The following GRM8 variants were observed in gnomAD, a reference collection of about 807,000 sequenced individuals.
The protein encoded by GRM8 is metabotropic glutamate receptor 8.
Under a neutral mutation model 87.2 loss-of-function variants are expected in GRM8, and 47 were observed. The ratio of observed to expected loss-of-function variants is 0.54; its 90% confidence interval spans 0.43 to 0.69. The LOEUF (loss-of-function observed/expected upper bound fraction) is 0.69, where lower values mean the gene tolerates loss of function less well. GRM8 is among the 30% of genes least tolerant of loss of function. The pLI, the probability that GRM8 is intolerant of heterozygous loss-of-function variation, is 0.00. For synonymous variants in GRM8, 396 were observed against 404.5 expected (o/e 0.98, Z 0.25); for missense variants, 1,019 against 1,139.2 (o/e 0.89, Z 1.52).
chr7:126,934,572 C>T (rs1298191456), intron 3 of GRM8, among the ~76,000 whole-genome samples: 3 of 152,024 alleles, frequency 2.0e-5, no homozygotes, highest in African/African-American at 7.2e-5. Context: ...ATTCTTTGTA[C>T]CTGTAGTTAG....
At chr7:127,134,883 A>T (rs1182624671) in intron 2 of GRM8, among the ~76,000 whole-genome samples, 1 of 152,192 alleles carries the variant, frequency 6.6e-6, no homozygotes, top group African/African-American at 2.4e-5. Context: ...TTTCACAAAG[A>T]CCTTTAAAAC....
chr7:127,137,911 T>C (rs1240879640), intron 2 of GRM8, among the ~76,000 whole-genome samples: 1 of 152,202 alleles, frequency 6.6e-6, no homozygotes, highest in African/African-American at 2.4e-5. Flanking sequence ...CATAGGAAAG[T>C]TTCAATTTAG....
intron 9 of GRM8, among the ~76,000 whole-genome samples, chr7:126,474,055 C>T (rs575442730): frequency 2.0e-5 from 3 of 152,094 alleles, no homozygotes; most frequent in Non-Finnish European, 2.9e-5. Context: ...TTTTTATATT[C>T]GTTTTATATT....
intron 7 of GRM8, among the ~76,000 whole-genome samples, chr7:126,753,288 T>C (rs1816632286): frequency 1.3e-5 from 2 of 151,926 alleles, no homozygotes; most frequent in Admixed American, 6.6e-5. Flanking sequence ...AAATTTTATA[T>C]ATATATGTCT....
intron 7 of GRM8, among the ~76,000 whole-genome samples, chr7:126,715,928 A>G (rs1028045336): frequency 2.0e-5 from 3 of 152,112 alleles, no homozygotes; most frequent in Non-Finnish European, 2.9e-5. Context: ...GACCACCATG[A>G]TAGGTTATTA....
intron 3 of GRM8, among the ~76,000 whole-genome samples, chr7:127,014,096 C>A (rs1480268050): frequency 6.6e-6 from 1 of 152,110 alleles, no homozygotes; most frequent in Non-Finnish European, 1.5e-5. Context: ...AAGGCACCAT[C>A]TGGATTCCCA....
intron 2 of GRM8, among the ~76,000 whole-genome samples, chr7:127,203,970 T>C (rs1795764515): frequency 6.6e-6 from 1 of 152,128 alleles, no homozygotes; most frequent in African/African-American, 2.4e-5. Context: ...GTCATGCAAA[T>C]AAGGACAGGT....
intron 2 of GRM8, among the ~76,000 whole-genome samples, chr7:127,226,732 T>C (rs1315122920): frequency 6.6e-6 from 1 of 152,232 alleles, no homozygotes; most frequent in African/African-American, 2.4e-5. Context: ...TAGTGAACAC[T>C]AGAATTCATG....
intron 2 of GRM8, among the ~76,000 whole-genome samples, chr7:127,112,885 A>G (rs1007131541): frequency 1.3e-5 from 2 of 152,228 alleles, no homozygotes; most frequent in Non-Finnish European, 2.9e-5. Flanking sequence ...TAAAGAATAA[A>G]AATTACATTT....
intron 9 of GRM8, among the ~76,000 whole-genome samples, chr7:126,525,641 T>C (rs146250225): frequency 3.7e-4 from 56 of 152,364 alleles, no homozygotes; most frequent in Middle Eastern, 3.4e-3. Flanking sequence ...TTCCCTTCTT[T>C]GAATTTCTCC....
intron 7 of GRM8, among the ~76,000 whole-genome samples, chr7:126,663,274 C>T (rs948365862): frequency 6.6e-5 from 10 of 152,128 alleles, no homozygotes; most frequent in African/African-American, 2.2e-4. Context: ...AGGAGGGACT[C>T]CCCTCTAACT....
chr7:126,763,457 A>G (rs1156715755), intron 7 of GRM8, among the ~76,000 whole-genome samples: 1 of 58,982 alleles, frequency 1.7e-5, no homozygotes, highest in Non-Finnish European at 4.5e-5. Context: ...ATATATATAT[A>G]TATATATATA....
chr7:126,817,018 C>A lies in GRM8; in HGVS notation c.1157-46953G>T, dbSNP rs564668873. Among the ~76,000 whole-genome samples, 4 of 152,100 alleles carry A rather than the reference C, an allele frequency of 2.6e-5. No homozygotes were observed. The East Asian group carries it at 5.8e-4, about 22-fold the overall frequency. On this transcript the variant is annotated intron_variant, in intron 6 of 10. Transcript: ENST00000339582. ...TGAAATATAACCACATTATTATACT[C>A]CTTTAAAAATCCTTAATATCTAATA...
chr7:127,115,770 A>C (rs1172132555), intron 2 of GRM8, among the ~76,000 whole-genome samples: 1 of 152,178 alleles, frequency 6.6e-6, no homozygotes, highest in African/African-American at 2.4e-5. Context: ...TTTAAGCCTA[A>C]CTACCCTAAA....
chr7:126,544,990 G>C (rs1236828291), intron 8 of GRM8, among the ~76,000 whole-genome samples: 1 of 152,168 alleles, frequency 6.6e-6, no homozygotes, highest in African/African-American at 2.4e-5. Context: ...ATTTCATCCA[G>C]ATCTGCTATT....
At chr7:126,835,617 C>G (rs1406019886) in intron 6 of GRM8, among the ~76,000 whole-genome samples, 2 of 152,106 alleles carry the variant, frequency 1.3e-5, no homozygotes, top group African/African-American at 4.8e-5. Context: ...CATTTAATTT[C>G]TTTAAAGCCA....
chr7:126,899,086 G>C (rs1801816886), intron 6 of GRM8, among the ~76,000 whole-genome samples: 1 of 100,844 alleles, frequency 9.9e-6, no homozygotes, highest in South Asian at 3.8e-4. Context: ...CTATTAAAAA[G>C]TTATGTGACT....
Position 127,065,059 on chromosome 7 carries a change from T to C in GRM8, c.727+41437A>G, listed in dbSNP as rs1280253483. ...TAAATCATTCTACTATAAAGACACA[T>C]GCATATAATAAATTTCATTGCAGCA... is the stretch of plus-strand genomic sequence containing the variant. On this transcript the variant is annotated intron_variant, in intron 3 of 10. Coordinates refer to ENST00000339582, the MANE Select transcript of GRM8 (RefSeq NM_000845.3). 4.6e-5 allele frequency among the ~76,000 whole-genome samples: 7 copies of C among 152,156 alleles called. No individual in the cohort carries two copies. In the East Asian group the frequency reaches 1.3e-3, roughly 29 times the overall value.
rs768990237 is a variant in GRM8, at chr7:126,446,264, G to C, written c.2539C>G (p.Gln847Glu). ...CTCCTCTTGCGTTTTTGAACATTCT[G>C]TTCTGGATGAAAAATTATAATATAA... The part of the protein sequence containing the change: ...KVYIIIFHPE[Q>E]NVQKRKRSFK... Residue 847 changes from glutamine (Q) to glutamate (E), a missense_variant, in exon 10 of 11, where the codon CAG becomes GAG. Physicochemically the swap from Gln to Glu is conservative, Grantham distance 29. Transcript: ENST00000339582. 5 of 1,612,356 alleles carry C rather than the reference G, an allele frequency of 3.1e-6. No individual in the cohort carries two copies.
Sources: gnomAD v4.1 joint callset for allele counts (sites outside exome capture counted in the v4.1 genomes callset) on GRCh38, gnomAD v4.1.1 for gene constraint, MANE v1.5 for transcripts, NCBI Gene and HGNC (gene_info 2026-07-23, HGNC 2026-07-21) for gene names.